PEMT: variants seen among roughly 807,000 people sequenced by gnomAD.
PEMT encodes phospholipid methyltransferase.
Under a neutral mutation model 27.4 loss-of-function variants are expected in PEMT, and 23 were observed. The observed-to-expected ratio is 0.84, with a 90% CI of 0.60 to 1.19. The LOEUF is 1.19. Among genes scored for constraint, PEMT ranks in the 50% most tolerant of loss-of-function variants. The pLI is 0.00. For missense variants in PEMT, 307 were observed against 310.1 expected (o/e 0.99, Z 0.07); for synonymous variants, 137 against 139.1 (o/e 0.98, Z 0.11).
At chr17:17,517,492 GC>G (rs1156864102) in intron 3 of PEMT, among the ~76,000 whole-genome samples, 1 of 152,056 alleles carries the variant, frequency 6.6e-6, no homozygotes, top group African/African-American at 2.4e-5. Flanking sequence ...TCAACCCCCG[GC>G]CTGTCCTGAC....
chr17:17,552,678 C>T (rs2142652093), intron 2 of PEMT, among the ~76,000 whole-genome samples: 1 of 152,332 alleles, frequency 6.6e-6, no homozygotes, highest in South Asian at 2.1e-4. Context: ...GTGCTTGATC[C>T]ATAATTAACA....
At position 17,561,017 on chromosome 17, in the gene PEMT, G is replaced by C. The variant is rs144119171; in HGVS notation, c.204+15903C>G. ...TGTGACTGAAGATAGCAAGGACCCCGGCCGCGCCTTCCTCTCCCCTCTCTC... is the reference window on the plus strand; with the variant it reads ...TGTGACTGAAGATAGCAAGGACCCCCGCCGCGCCTTCCTCTCCCCTCTCTC... On this transcript the variant is annotated intron_variant, in intron 2 of 6. Coordinates refer to ENST00000255389, the MANE Select transcript of PEMT (RefSeq NM_148172.3). The surrounding 1 kb of genome is among the most constrained non-coding windows in gnomAD (Gnocchi z 4.5). Among the ~76,000 whole-genome samples, 1 of 151,986 alleles carries C rather than the reference G, an allele frequency of 6.6e-6. No homozygotes were observed. Among genetic ancestry groups the C allele is most frequent in the Non-Finnish European group, 1.5e-5 (1 of 67,988 alleles).
At chr17:17,576,024 G>GCCT (rs1315688220) in intron 2 of PEMT, among the ~76,000 whole-genome samples, 3 of 152,154 alleles carry the variant, frequency 2.0e-5, no homozygotes, top group Non-Finnish European at 2.9e-5. Context: ...CTGCAGATTA[G>GCCT]CCTCGGGGGT....
chr17:17,522,531 A>G (rs934436988), intron 2 of PEMT, 136 bp from the exon 3 acceptor site: 1 of 650,736 alleles, frequency 1.5e-6, no homozygotes. Flanking sequence ...CACGGGAGCA[A>G]CAACCACATG....
Position 17,568,988 on chromosome 17 carries a change from C to T in PEMT, c.204+7932G>A, listed in dbSNP as rs1404075925. On this transcript the variant is annotated intron_variant, in intron 2 of 6. Coordinates refer to ENST00000255389, the MANE Select transcript of PEMT (RefSeq NM_148172.3). ...CCCAGGAAACCCCAGGCCCAGCCAG[C>T]GGCCCAGCGCAGCAAGTGGACTCTC... 3.9e-5 allele frequency among the ~76,000 whole-genome samples: 6 copies of T among 152,160 alleles called. No homozygotes were observed. The East Asian group carries it at 5.8e-4, about 15-fold the overall frequency.
rs531878176 is a variant in PEMT, at chr17:17,528,425, G to A, written c.205-6030C>T. ...TGAATCCCACGTGGGGCTACCACCC[G>A]AGGAGGCACTCAACAAGCACGGGTC... On this transcript the variant is annotated intron_variant, in intron 2 of 6. Coordinates refer to ENST00000255389, the MANE Select transcript of PEMT (RefSeq NM_148172.3). 5.3e-5 allele frequency among the ~76,000 whole-genome samples: 8 copies of A among 152,344 alleles called. No individual in the cohort carries two copies. In the South Asian group the frequency reaches 1.4e-3, roughly 28 times the overall value.
At chr17:17,590,325 T>A (rs1036994463) in intron 1 of PEMT, among the ~76,000 whole-genome samples, 3 of 152,234 alleles carry the variant, frequency 2.0e-5, no homozygotes, top group Admixed American at 6.5e-5. Context: ...CATCTCCTCC[T>A]GTGCCTCCTG....
intron 3 of PEMT, among the ~76,000 whole-genome samples, chr17:17,516,033 G>A (rs543614049): frequency 4.6e-5 from 7 of 152,086 alleles, no homozygotes; most frequent in Admixed American, 3.3e-4. Flanking sequence ...AGAGGCACAC[G>A]GCCCCACCTG....
At chr17:17,517,919 C>T (rs1906963814) in intron 3 of PEMT, 1 of 957,730 alleles carries the variant, frequency 1.0e-6, no homozygotes, top group East Asian at 1.1e-4. Context: ...ACCCAGACCA[C>T]CTTCCAGAGA....
At chr17:17,574,267 C>T (rs1467814474) in intron 2 of PEMT, among the ~76,000 whole-genome samples, 2 of 145,304 alleles carry the variant, frequency 1.4e-5, no homozygotes, top group Non-Finnish European at 3.0e-5. Context: ...AAAAAAAAAC[C>T]GTATGCCAAA....
chr17:17,506,049 G>C (rs1905805248), intron 6 of PEMT, among the ~76,000 whole-genome samples, 178 bp downstream of exon 6: 1 of 152,174 alleles, frequency 6.6e-6, no homozygotes, highest in Non-Finnish European at 1.5e-5. Context: ...CCGGCTGCCT[G>C]CTGGGTCCTG....
chr17:17,571,163 G>A (rs1164510298), intron 2 of PEMT, among the ~76,000 whole-genome samples: 1 of 151,912 alleles, frequency 6.6e-6, no homozygotes, highest in African/African-American at 2.4e-5. Context: ...TGCTCTGGAA[G>A]GACAGAGGTC....
Position 17,576,925 on chromosome 17 carries a change from T to G in PEMT, c.199A>C (p.Asn67His), listed in dbSNP as rs1404385876. The G allele has an allele frequency of 6.2e-7, 1 of 1,612,650 alleles. No homozygotes were observed. Residue 67 changes from asparagine to histidine, a missense_variant, in exon 2 of 7, where the codon AAT becomes CAT. By Grantham distance (68) the Asn-to-His change is moderately conservative. Coordinates refer to ENST00000255389, the MANE Select transcript of PEMT (RefSeq NM_148172.3). ...ITITFNPLYW[N>H]VVARWEHKTR... ...GTGTCAGGCACATCACTTACCACATTCCAGTAGAGCGGATTGAAGGTGATG... is the reference window on the plus strand; with the variant it reads ...GTGTCAGGCACATCACTTACCACATGCCAGTAGAGCGGATTGAAGGTGATG...
intron 2 of PEMT, among the ~76,000 whole-genome samples, chr17:17,537,498 T>C (rs1430549897): frequency 6.6e-6 from 1 of 152,172 alleles, no homozygotes; most frequent in African/African-American, 2.4e-5. Context: ...GCCATCCCCG[T>C]GCCCAGCAGC....
chr17:17,530,900 G>A (rs9889795), intron 2 of PEMT, among the ~76,000 whole-genome samples: 102 of 151,946 alleles, frequency 6.7e-4, no homozygotes, highest in Middle Eastern at 6.8e-3. Context: ...AAAATTGGCC[G>A]GGCGTAACGG....
chr17:17,586,862 G>A (rs1488099902), intron 1 of PEMT, among the ~76,000 whole-genome samples: 3 of 152,074 alleles, frequency 2.0e-5, no homozygotes, highest in African/African-American at 4.8e-5. Context: ...AATTAACCAG[G>A]CGTGGTGGAG....
intron 3 of PEMT, among the ~76,000 whole-genome samples, chr17:17,515,929 C>T (rs564349575): frequency 5.9e-5 from 9 of 152,302 alleles, no homozygotes; most frequent in East Asian, 1.9e-4. Flanking sequence ...CATAAAATCC[C>T]GGAAACCCTG....
At chr17:17,542,367 G>A (rs931950273) in intron 2 of PEMT, among the ~76,000 whole-genome samples, 1 of 152,204 alleles carries the variant, frequency 6.6e-6, no homozygotes, top group African/African-American at 2.4e-5. Flanking sequence ...AGAAACAGGG[G>A]CCTACGTGGC....
intron 3 of PEMT, among the ~76,000 whole-genome samples, chr17:17,514,328 C>T (rs1597874454): frequency 6.6e-6 from 1 of 152,388 alleles, no homozygotes; most frequent in East Asian, 1.9e-4. Context: ...CGTATCCCCC[C>T]AGCACTTGGC....
Sources: allele counts gnomAD v4.1 joint callset (sites outside exome capture counted in the v4.1 genomes callset), GRCh38; gene constraint gnomAD v4.1.1; non-coding constraint Gnocchi (gnomAD v3.1); transcripts MANE v1.5; gene names NCBI Gene and HGNC (gene_info 2026-07-23, HGNC 2026-07-21).